Variants in INPP4B observed in about 807,000 individuals in gnomAD.
INPP4B encodes inositol polyphosphate 4-phosphatase type II.
A neutral mutation model predicts 122.5 loss-of-function variants in INPP4B; 55 were observed. The ratio of observed to expected loss-of-function variants is 0.45; its 90% CI spans 0.36 to 0.56. INPP4B has a LOEUF of 0.56. Among genes scored for constraint, INPP4B ranks in the 20% least tolerant of loss-of-function variants. INPP4B has a pLI of 0.00. For missense variants in INPP4B, 1,000 were observed against 1,097.7 expected (o/e 0.91, Z 1.26); for synonymous variants, 403 against 388.7 (o/e 1.04, Z -0.43).
At chr4:142,159,480 T>C (rs1176482718) in intron 17 of INPP4B, among the ~76,000 whole-genome samples, 1 of 151,476 alleles carries the variant, frequency 6.6e-6, no homozygotes, top group Non-Finnish European at 1.5e-5. Context: ...TTTTTTTTTT[T>C]GAGAGGCCTG....
intron 7 of INPP4B, among the ~76,000 whole-genome samples, chr4:142,377,156 T>C (rs1792226976): frequency 6.6e-6 from 1 of 151,866 alleles, no homozygotes; most frequent in African/African-American, 2.4e-5. Flanking sequence ...AAAAAAATTT[T>C]TAAAACAAAT....
intron 12 of INPP4B, among the ~76,000 whole-genome samples, chr4:142,221,250 A>T (rs554722606): frequency 2.0e-5 from 3 of 151,870 alleles, no homozygotes; most frequent in Non-Finnish European, 2.9e-5. Context: ...AATACAAAAA[A>T]TTAGCCAGGC....
chr4:142,359,111 A>G (rs1784560110), intron 7 of INPP4B, among the ~76,000 whole-genome samples: 2 of 151,976 alleles, frequency 1.3e-5, no homozygotes, highest in Admixed American at 6.6e-5. Context: ...TTGCTGGTAC[A>G]TATCATATTG....
At chr4:142,321,131 T>C (rs192156625) in intron 7 of INPP4B, among the ~76,000 whole-genome samples, 489 of 152,288 alleles carry the variant, frequency 3.2e-3, no homozygotes, top group African/African-American at 0.011. Flanking sequence ...CAACATCTAT[T>C]ATTTTTTTGA....
intron 11 of INPP4B, among the ~76,000 whole-genome samples, chr4:142,239,102 C>A (rs1008927000): frequency 6.6e-6 from 1 of 152,080 alleles, no homozygotes; most frequent in African/African-American, 2.4e-5. Flanking sequence ...GTAAGAACAA[C>A]ATATTTCATT....
At chr4:142,230,350 G>C (rs1023706921) in intron 12 of INPP4B, among the ~76,000 whole-genome samples, 1 of 151,984 alleles carries the variant, frequency 6.6e-6, no homozygotes, top group African/African-American at 2.4e-5. Flanking sequence ...AGTAGATGTA[G>C]AAAATAAAAA....
intron 3 of INPP4B, among the ~76,000 whole-genome samples, chr4:142,441,831 T>A (rs1580072123): frequency 1.5e-5 from 2 of 133,938 alleles, no homozygotes; most frequent in East Asian, 2.1e-4. Flanking sequence ...TTTTTTTTTT[T>A]AATAATTGGG....
intron 17 of INPP4B, among the ~76,000 whole-genome samples, chr4:142,150,587 T>G (rs552018857): frequency 6.6e-6 from 1 of 152,304 alleles, no homozygotes; most frequent in African/African-American, 2.4e-5. Context: ...GTCAATAAGG[T>G]CATGGAGTCA....
chr4:142,685,209 C>T (rs1198256102), intron 2 of INPP4B, among the ~76,000 whole-genome samples: 1 of 151,930 alleles, frequency 6.6e-6, no homozygotes, highest in African/African-American at 2.4e-5. Flanking sequence ...CTGACTTCTG[C>T]CAACAGAGTT....
At chr4:142,727,200 T>C (rs189780104) in intron 1 of INPP4B, among the ~76,000 whole-genome samples, 24 of 152,296 alleles carry the variant, frequency 1.6e-4, no homozygotes, top group African/African-American at 5.1e-4. Context: ...TCAAGAAGAT[T>C]AGTAAGCTGT....
At position 142,257,648 on chromosome 4, in the gene INPP4B, G is replaced by A. The variant is rs62330985; in HGVS notation, c.688+2844C>T. ...AAATACCTAGGAATCCAACTTACAA[G>A]GGATGTGAAGGATTTCTTCAAGGAG... On this transcript the variant is annotated intron_variant, in intron 11 of 25. Transcript: ENST00000262992. Among the ~76,000 whole-genome samples, 1,493 of 152,274 alleles carry A rather than the reference G, an allele frequency of 9.8e-3. 19 individuals carry two copies. The highest frequency in any genetic ancestry group is 0.015 in the Admixed American group (233 of 15,298).
intron 2 of INPP4B, among the ~76,000 whole-genome samples, chr4:142,681,064 C>T (rs1005962153): frequency 6.6e-6 from 1 of 151,884 alleles, no homozygotes; most frequent in Admixed American, 6.6e-5. Flanking sequence ...ATACGAAAGG[C>T]TGCTGGGGCG....
intron 12 of INPP4B, among the ~76,000 whole-genome samples, chr4:142,222,596 G>A (rs1015637871): frequency 6.6e-6 from 1 of 152,170 alleles, no homozygotes; most frequent in African/African-American, 2.4e-5. Flanking sequence ...TAGGTATTGT[G>A]CTAAATTCCA....
At chr4:142,646,195 T>C (rs1751744400) in intron 2 of INPP4B, among the ~76,000 whole-genome samples, 1 of 152,200 alleles carries the variant, frequency 6.6e-6, no homozygotes, top group Non-Finnish European at 1.5e-5. Context: ...TTTTATTGTA[T>C]GTAAATTATA....
At chr4:142,438,566 G>A (rs1811033107) in intron 3 of INPP4B, among the ~76,000 whole-genome samples, 1 of 152,128 alleles carries the variant, frequency 6.6e-6, no homozygotes, top group South Asian at 2.1e-4. Flanking sequence ...ATGGTTTAAA[G>A]AGTTAAATGT....
intron 25 of INPP4B, among the ~76,000 whole-genome samples, chr4:142,044,569 T>G (rs1036146572): frequency 1.3e-5 from 2 of 151,972 alleles, no homozygotes; most frequent in African/African-American, 4.8e-5. Context: ...AAGGCAGCAT[T>G]CTATCCTATG....
intron 2 of INPP4B, among the ~76,000 whole-genome samples, chr4:142,669,613 A>G (rs1391105740): frequency 6.6e-6 from 1 of 152,248 alleles, no homozygotes; most frequent in Non-Finnish European, 1.5e-5. Flanking sequence ...CACATGAAGA[A>G]GAATGAAATT....
At chr4:142,402,876 A>T in intron 7 of INPP4B, 62 bp downstream of exon 7, 1 of 849,212 alleles carries the variant, frequency 1.2e-6, no homozygotes, top group Non-Finnish European at 2.0e-6. Flanking sequence ...TTACACAAAA[A>T]ATCCAATCGT....
intron 2 of INPP4B, among the ~76,000 whole-genome samples, chr4:142,631,920 T>C (rs1272572469): frequency 1.3e-5 from 2 of 152,068 alleles, no homozygotes; most frequent in African/African-American, 4.8e-5. Context: ...GACAGAAGCA[T>C]GGTTGTGAAA....
Sources: allele counts gnomAD v4.1 joint callset (sites outside exome capture counted in the v4.1 genomes callset), GRCh38; gene constraint gnomAD v4.1.1; transcripts MANE v1.5; gene names NCBI Gene and HGNC (gene_info 2026-07-23, HGNC 2026-07-21).